The following AK8 variants were observed in gnomAD, a reference collection of about 807,000 sequenced individuals.
AK8 encodes ATP-AMP transphosphorylase 8.
AK8 carries 44 observed loss-of-function variants against 54.6 expected under a neutral mutation model. That is an observed-to-expected ratio of 0.81 (90% CI 0.63 to 1.04). The LOEUF (loss-of-function observed/expected upper bound fraction) is 1.04. Among genes scored for constraint, AK8 ranks in the 50% least tolerant of loss-of-function variants. The probability of loss-of-function intolerance (pLI) is 0.00; values close to 1 mark genes in which losing one functional copy is unlikely to be tolerated. For synonymous variants in AK8, 239 were observed against 245.6 expected (o/e 0.97, Z 0.25); for missense variants, 555 against 613.6 (o/e 0.90, Z 1.01).
At chr9:132,872,960 C>T (rs1167029736) in intron 2 of AK8, among the ~76,000 whole-genome samples, 1 of 152,156 alleles carries the variant, frequency 6.6e-6, no homozygotes, top group Non-Finnish European at 1.5e-5. Context: ...TACAGGCGCC[C>T]GCCACCACGC....
chr9:132,840,505 A>AT (rs1193815528), intron 5 of AK8, among the ~76,000 whole-genome samples: 2 of 151,520 alleles, frequency 1.3e-5, no homozygotes, highest in Non-Finnish European at 2.9e-5. Context: ...AATTTCACTG[A>AT]TTTTTTTCCT....
rs543483968 is a variant in AK8, at chr9:132,867,592, GT to G, written c.170-640del. 2.3e-4 allele frequency among the ~76,000 whole-genome samples: 35 copies of G among 152,372 alleles called. No homozygotes were observed. The East Asian group carries it at 6.6e-3, about 29-fold the overall frequency. ...ATATGAACCACAGGCTCCTGAACCT[GT>G]GACCGAGAGTCTGGGCTCACCCGGC... is the stretch of plus-strand genomic sequence containing the variant. On this transcript the variant is annotated intron_variant, in intron 2 of 12. Transcript: ENST00000298545.
At chr9:132,810,225 A>G (rs1319361751) in intron 10 of AK8, among the ~76,000 whole-genome samples, 3 of 152,222 alleles carry the variant, frequency 2.0e-5, no homozygotes, top group African/African-American at 7.2e-5. Flanking sequence ...AGGAAGAGCG[A>G]AAGTATAGAG....
intron 5 of AK8, among the ~76,000 whole-genome samples, chr9:132,845,913 C>T (rs889556650): frequency 5.9e-5 from 9 of 151,288 alleles, no homozygotes; most frequent in East Asian, 1.9e-4. Context: ...TTAAAAATCA[C>T]GGAAACAAAT....
chr9:132,800,379 C>G (rs894686594), intron 10 of AK8, among the ~76,000 whole-genome samples: 2 of 152,196 alleles, frequency 1.3e-5, no homozygotes, highest in Non-Finnish European at 2.9e-5. Context: ...CCGCCAGCAA[C>G]GCACAGAACA....
intron 11 of AK8, among the ~76,000 whole-genome samples, chr9:132,745,334 T>TCGGATTA (rs1837591820): frequency 6.6e-6 from 1 of 152,168 alleles, no homozygotes; most frequent in African/African-American, 2.4e-5. Context: ...GCTCCCTCTC[T>TCGGATTA]CGGATTACGC....
chr9:132,764,335 A>C (rs369764187), intron 11 of AK8, among the ~76,000 whole-genome samples: 7 of 152,182 alleles, frequency 4.6e-5, no homozygotes, highest in East Asian at 3.8e-4. Context: ...AAAACAAAAA[A>C]CAAAAAAACA....
Position 132,866,926 on chromosome 9 carries a change from G to C in AK8, c.197C>G (p.Pro66Arg). Reference sequence around the variant, plus strand: ...TACTATTGTTGTTTTCCCTGAGGCGGGTGGACCTAATATTACAATCCTGGG... The same window carrying C: ...TACTATTGTTGTTTTCCCTGAGGCGCGTGGACCTAATATTACAATCCTGGG... ...NVPRIVILGP[P>R]ASGKTTIAMW... The change falls in exon 3 of 13, where the codon CCC becomes CGC. Residue 66 changes from proline to arginine, a missense_variant. Pro to Arg is a moderately radical substitution (Grantham distance 103, BLOSUM62 -2). Coordinates refer to ENST00000298545, the MANE Select transcript of AK8 (RefSeq NM_152572.3). 1 of 1,613,986 alleles carries C rather than the reference G, an allele frequency of 6.2e-7. No individual in the cohort carries two copies. Among genetic ancestry groups the C allele is most frequent in the South Asian group, 1.1e-5 (1 of 91,054 alleles).
intron 11 of AK8, among the ~76,000 whole-genome samples, chr9:132,739,106 G>A (rs1009840460): frequency 6.6e-6 from 1 of 150,908 alleles, no homozygotes; most frequent in Non-Finnish European, 1.5e-5. Flanking sequence ...AATACTGTTT[G>A]ATCCCACTAA....
intron 12 of AK8, 134 bp downstream of exon 12, chr9:132,727,320 G>C: frequency 2.4e-6 from 2 of 820,722 alleles, no homozygotes; most frequent in Non-Finnish European, 4.1e-6. Flanking sequence ...GTTGGATAAA[G>C]TCCATTTTGA....
chr9:132,800,268 G>A (rs138195096), intron 10 of AK8, among the ~76,000 whole-genome samples: 1 of 152,306 alleles, frequency 6.6e-6, no homozygotes, highest in Non-Finnish European at 1.5e-5. Context: ...GCGCCCCAGT[G>A]CCAGGACCTG....
At chr9:132,842,921 T>A (rs2131349776) in intron 5 of AK8, among the ~76,000 whole-genome samples, 1 of 152,354 alleles carries the variant, frequency 6.6e-6, no homozygotes. Context: ...CATAGCTGCA[T>A]ACTTCATCAT....
intron 11 of AK8, among the ~76,000 whole-genome samples, chr9:132,753,039 C>T (rs1231250347): frequency 6.6e-6 from 1 of 152,156 alleles, no homozygotes; most frequent in Non-Finnish European, 1.5e-5. Context: ...ACTTCTGGAG[C>T]GAACAAATTG....
In AK8 at chr9:132,740,216, A is replaced by C. The variant is rs1419506826; in HGVS notation, c.1122-12682T>G. ...GGTACTGGTCAGACAGCCACTTTTT[A>C]TCAGGCACTGTGTTTAAAGCCAGGT... On this transcript the variant is annotated intron_variant, in intron 11 of 12. Transcript: ENST00000298545. Among the ~76,000 whole-genome samples the C allele has an allele frequency of 2.0e-5, 3 of 152,208 alleles. No homozygotes were observed. The East Asian group carries it at 5.8e-4, about 29-fold the overall frequency.
At chr9:132,829,344 G>A (rs552502113) in intron 5 of AK8, among the ~76,000 whole-genome samples, 6 of 151,750 alleles carry the variant, frequency 4.0e-5, no homozygotes, top group South Asian at 2.1e-4. Context: ...CATTATCAAC[G>A]GCTGTGCAAT....
chr9:132,788,030 C>CA (rs757785650), intron 11 of AK8, among the ~76,000 whole-genome samples: 2,068 of 141,750 alleles, frequency 0.015, 22 homozygotes, highest in Non-Finnish European at 0.022. Flanking sequence ...TGGGAGTGAC[C>CA]AAAAAAAAAA....
chr9:132,746,861 C>T (rs1208108905), intron 11 of AK8, among the ~76,000 whole-genome samples: 1 of 152,182 alleles, frequency 6.6e-6, no homozygotes, highest in Admixed American at 6.5e-5. Context: ...TTCACTTGGT[C>T]TAAAATATTT....
chr9:132,820,402 G>A (rs1418944736), intron 9 of AK8, among the ~76,000 whole-genome samples: 1 of 152,128 alleles, frequency 6.6e-6, no homozygotes, highest in Admixed American at 6.6e-5. Flanking sequence ...ATGTATCACT[G>A]ACATCAAATC....
chr9:132,878,332 C>A, upstream of AK8: 1 of 1,292,026 alleles, frequency 7.7e-7, no homozygotes, highest in Non-Finnish European at 9.9e-7. This position sits in a 1 kb window ranked among gnomAD's most constrained non-coding sequence, Gnocchi z 4.7. Context: ...CAGCACGCGC[C>A]GCGGCCCCGC....
Sources: allele counts gnomAD v4.1 joint callset (sites outside exome capture counted in the v4.1 genomes callset), GRCh38; gene constraint gnomAD v4.1.1; non-coding constraint Gnocchi (gnomAD v3.1); transcripts MANE v1.5; gene names NCBI Gene and HGNC (gene_info 2026-07-23, HGNC 2026-07-21).